Variants in DNAH14 observed in about 807,000 individuals in gnomAD.
DNAH14 encodes the protein axonemal beta dynein heavy chain 14.
DNAH14 carries 478 observed loss-of-function variants against 520.9 expected under a neutral mutation model. The observed-to-expected ratio is 0.92, with a 90% confidence interval of 0.85 to 0.99. DNAH14 has a LOEUF of 0.99. DNAH14 is among the 50% of genes least tolerant of loss of function. The pLI is 0.00. For missense variants in DNAH14, 4,831 were observed against 5,234.5 expected (o/e 0.92, Z 2.38); for synonymous variants, 1,581 against 1,757.2 (o/e 0.90, Z 2.51).
At chr1:225,335,243 ATTGTGTGTATATG>A (rs1558425290) in intron 66 of DNAH14, among the ~76,000 whole-genome samples, 1,736 of 124,296 alleles carry the variant, frequency 0.014, 236 homozygotes, top group East Asian at 0.042. Context: ...ACATGTGTAC[ATTGTGTGTATATG>A]CACATATACA....
intron 49 of DNAH14, among the ~76,000 whole-genome samples, chr1:225,267,614 T>C (rs144774948): frequency 5.3e-5 from 8 of 152,186 alleles, no homozygotes; most frequent in South Asian, 2.1e-4. Flanking sequence ...TTTAAACAAA[T>C]ATAGAAATTC....
Position 224,955,017 on chromosome 1 carries a change from G to C in DNAH14, c.136G>C (p.Ala46Pro). ...EDVKPLETQP[A>P]EIAEKETLEY... The stretch of plus-strand genomic sequence containing the variant: ...TGTGAAACCATTAGAGACTCAACCA[G>C]CTGAAATAGCAGAAAAGGAAACATT... Residue 46 changes from alanine (A) to proline (P), a missense_variant, in exon 3 of 86, where the codon GCT (alanine) becomes CCT (proline). Transcript: ENST00000682510. 6.2e-7 allele frequency: 1 copy of C among 1,610,868 alleles called. No homozygotes were observed. The highest frequency in any genetic ancestry group is 8.5e-7 in the Non-Finnish European group (1 of 1,177,692).
At chr1:225,286,395 ATCAC>A (rs1356854972) in intron 54 of DNAH14, among the ~76,000 whole-genome samples, 6 of 152,208 alleles carry the variant, frequency 3.9e-5, no homozygotes, top group Admixed American at 2.6e-4. Flanking sequence ...ATATGGAATT[ATCAC>A]TCTGTATCCC....
intron 28 of DNAH14, among the ~76,000 whole-genome samples, chr1:225,142,431 C>T (rs138411919): frequency 2.0e-4 from 31 of 152,254 alleles, no homozygotes; most frequent in African/African-American, 6.5e-4. Context: ...AAAATAGTTC[C>T]GTTTTAACAT....
At chr1:225,211,189 G>A (rs1219543489) in intron 41 of DNAH14, among the ~76,000 whole-genome samples, 5 of 152,172 alleles carry the variant, frequency 3.3e-5, no homozygotes, top group Admixed American at 2.6e-4. Flanking sequence ...TCAGAAGGTG[G>A]GTAATAACAA....
intron 42 of DNAH14, among the ~76,000 whole-genome samples, chr1:225,234,376 G>A (rs1303887321): frequency 6.6e-6 from 1 of 152,140 alleles, no homozygotes; most frequent in East Asian, 1.9e-4. Flanking sequence ...TTTTAGTAGA[G>A]ATGTGGTTTC....
At chr1:224,972,550 C>A (rs1227363299) in intron 7 of DNAH14, among the ~76,000 whole-genome samples, 1 of 151,858 alleles carries the variant, frequency 6.6e-6, no homozygotes, top group Non-Finnish European at 1.5e-5. Context: ...ACTGCAAGCT[C>A]CGCCTCCCGG....
At chr1:225,004,072 C>T (rs2063976616) in intron 9 of DNAH14, among the ~76,000 whole-genome samples, 1 of 152,032 alleles carries the variant, frequency 6.6e-6, no homozygotes, top group African/African-American at 2.4e-5. Context: ...TAATATAGAA[C>T]ATCAGGAGGA....
chr1:225,147,172 A>G lies in DNAH14; in HGVS notation c.4863A>G (p.Leu1621=). The G allele has an allele frequency of 6.4e-7, 1 of 1,550,932 alleles. No individual in the cohort carries two copies. The change falls in exon 31 of 86, where the codon CTA becomes CTG. Residue 1621 remains leucine, a synonymous_variant. Coordinates refer to ENST00000682510, the MANE Select transcript of DNAH14 (RefSeq NM_001367479.1). ...GGAGTTGTTTTGATGAATTCAATCTAATTGATTTGGAAGTTCTCTCTGTCA... is the reference window on the plus strand; with the variant it reads ...GGAGTTGTTTTGATGAATTCAATCTGATTGATTTGGAAGTTCTCTCTGTCA... ...GAWSCFDEFN[L]IDLEVLSVIA... is the part of the protein sequence containing the mutation.
At chr1:224,949,734 G>A (rs966553840) in intron 1 of DNAH14, among the ~76,000 whole-genome samples, 1 of 151,988 alleles carries the variant, frequency 6.6e-6, no homozygotes, top group Non-Finnish European at 1.5e-5. Flanking sequence ...TACTTTGGAA[G>A]GTTCATGCAT....
intron 27 of DNAH14, among the ~76,000 whole-genome samples, chr1:225,140,131 G>A (rs962827668): frequency 6.6e-6 from 1 of 152,072 alleles, no homozygotes; most frequent in African/African-American, 2.4e-5. Flanking sequence ...ATATATCCCT[G>A]AATGAATTCA....
intron 54 of DNAH14, among the ~76,000 whole-genome samples, chr1:225,283,392 C>G (rs570450948): frequency 9.0e-4 from 135 of 150,496 alleles, no homozygotes; most frequent in Non-Finnish European, 1.4e-3. Flanking sequence ...ATACTAATAT[C>G]AGGCAAAGTA....
At chr1:225,305,522 C>G (rs779291290) in intron 58 of DNAH14, among the ~76,000 whole-genome samples, 3 of 152,148 alleles carry the variant, frequency 2.0e-5, no homozygotes, top group South Asian at 4.1e-4. Flanking sequence ...AAACATGAAG[C>G]AGAAGGCCTC....
At chr1:225,073,000 C>G (rs2071735958) in intron 17 of DNAH14, among the ~76,000 whole-genome samples, 1 of 151,828 alleles carries the variant, frequency 6.6e-6, no homozygotes, top group Non-Finnish European at 1.5e-5. Flanking sequence ...ACCCACTTAA[C>G]AAAGTAGTCT....
intron 73 of DNAH14, chr1:225,357,847 G>C (rs886609555): frequency 2.9e-6 from 2 of 701,684 alleles, no homozygotes; most frequent in Non-Finnish European, 5.2e-6. Context: ...CATATTTTAT[G>C]GTCATTGTGT....
At chr1:225,298,309 G>A (rs2094059313) in intron 55 of DNAH14, among the ~76,000 whole-genome samples, 1 of 152,154 alleles carries the variant, frequency 6.6e-6, no homozygotes, top group Admixed American at 6.5e-5. Context: ...TATTTCTCAG[G>A]TCCTGGGCAT....
At chr1:224,984,360 T>A (rs1209311194) in intron 8 of DNAH14, among the ~76,000 whole-genome samples, 1 of 151,430 alleles carries the variant, frequency 6.6e-6, no homozygotes, top group African/African-American at 2.4e-5. Flanking sequence ...TGAAACTGGA[T>A]CCTCATCTCT....
rs576384735 is a variant in DNAH14 at position 225,246,093 on chromosome 1, C to T, written c.6748+5271C>T. Among the ~76,000 whole-genome samples, 571 of 126,774 alleles carry T rather than the reference C, an allele frequency of 4.5e-3. 2 individuals carry two copies. Among genetic ancestry groups the T allele is most frequent in the African/African-American group, 0.017 (543 of 32,780 alleles). The allele number at this position is 126,774 out of a possible 152,430, so 83.2% of individuals were successfully genotyped here. ...CACACATCTACAACCATCTGATCTT[C>T]GACAAACCTGGCAAAAAAAAAAAAA... On this transcript the variant is annotated intron_variant, in intron 43 of 85. Coordinates refer to ENST00000682510, the MANE Select transcript of DNAH14 (RefSeq NM_001367479.1).
chr1:225,357,699 C>T (rs566254809), intron 73 of DNAH14: 154 of 675,278 alleles, frequency 2.3e-4, no homozygotes, highest in Middle Eastern at 9.4e-4. Context: ...AAACATATTG[C>T]CAATATTTGA....
Sources: allele counts gnomAD v4.1 joint callset (sites outside exome capture counted in the v4.1 genomes callset), GRCh38; gene constraint gnomAD v4.1.1; transcripts MANE v1.5; gene names NCBI Gene and HGNC (gene_info 2026-07-23, HGNC 2026-07-21).